Variants in ZDHHC14 observed in about 807,000 individuals in gnomAD.
ZDHHC14 encodes palmitoyltransferase ZDHHC14.
A neutral mutation model predicts 47.7 loss-of-function variants in ZDHHC14; 16 were observed. That is an observed-to-expected ratio of 0.34 (90% CI 0.23 to 0.51). The LOEUF (loss-of-function observed/expected upper bound fraction) is 0.51, where lower values mean the gene tolerates loss of function less well. ZDHHC14 is among the 20% of genes least tolerant of loss of function. The probability of loss-of-function intolerance (pLI) is 0.97; values close to 1 mark genes in which losing one functional copy is unlikely to be tolerated. For synonymous variants in ZDHHC14, 293 were observed against 278.9 expected (o/e 1.05, Z -0.50); for missense variants, 515 against 662.5 (o/e 0.78, Z 2.44).
intron 4 of ZDHHC14, chr6:157,631,246 A>G (rs1162517345): frequency 2.2e-5 from 3 of 139,098 alleles, no homozygotes; most frequent in Admixed American, 7.0e-5. Context: ...TTTCACTTTT[A>G]GCTCCTCTAA....
intron 5 of ZDHHC14, among the ~76,000 whole-genome samples, chr6:157,634,098 CTATAAA>C (rs1177422819): frequency 6.6e-6 from 1 of 152,106 alleles, no homozygotes; most frequent in African/African-American, 2.4e-5. Context: ...AAATGTGATC[CTATAAA>C]TATAAATATA....
intron 1 of ZDHHC14, among the ~76,000 whole-genome samples, chr6:157,436,150 A>G (rs1778435717): frequency 6.6e-6 from 1 of 152,184 alleles, no homozygotes; most frequent in South Asian, 2.1e-4. Flanking sequence ...CAGTTCCCAG[A>G]GTCCTGCCAG....
chr6:157,568,828 T>C (rs1165055452), intron 2 of ZDHHC14, among the ~76,000 whole-genome samples: 1 of 152,182 alleles, frequency 6.6e-6, no homozygotes, highest in Non-Finnish European at 1.5e-5. Context: ...CCTCGCTTGT[T>C]TGAAATTGGG....
chr6:157,447,468 G>A (rs1479440009), intron 1 of ZDHHC14, among the ~76,000 whole-genome samples: 1 of 152,236 alleles, frequency 6.6e-6, no homozygotes, highest in Non-Finnish European at 1.5e-5. Context: ...GCGCTGCTTG[G>A]GGTAGGCACC....
chr6:157,394,912 T>C (rs1777490887), intron 1 of ZDHHC14, among the ~76,000 whole-genome samples: 1 of 151,932 alleles, frequency 6.6e-6, no homozygotes. Flanking sequence ...AAAAAAATGA[T>C]GGTAAATTCA....
chr6:157,587,108 T>C (rs1783725466), intron 2 of ZDHHC14, among the ~76,000 whole-genome samples: 1 of 152,254 alleles, frequency 6.6e-6, no homozygotes, highest in Non-Finnish European at 1.5e-5. Context: ...TAAACTTTTC[T>C]ACTGAAATTA....
intron 3 of ZDHHC14, among the ~76,000 whole-genome samples, chr6:157,599,807 A>G (rs1207745769): frequency 6.6e-6 from 1 of 152,256 alleles, no homozygotes; most frequent in Non-Finnish European, 1.5e-5. Flanking sequence ...CAAGGCATTA[A>G]CGTCTGGTAA....
At chr6:157,663,448 C>T (rs1293252067) in intron 8 of ZDHHC14, among the ~76,000 whole-genome samples, 1 of 152,188 alleles carries the variant, frequency 6.6e-6, no homozygotes, top group African/African-American at 2.4e-5. Flanking sequence ...TGGCAAGGGC[C>T]GAACATCGAC....
In ZDHHC14 at chr6:157,435,517, C is replaced by A. The variant is rs139703507; in HGVS notation, c.245+53251C>A. ...TAAGCTCAGTAAGGTGGGCACCCTC[C>A]TTTCCTCCCTCATTTCTCTCTCTCT... On this transcript the variant is annotated intron_variant, in intron 1 of 8. Coordinates refer to ENST00000359775, the MANE Select transcript of ZDHHC14 (RefSeq NM_024630.3). Among the ~76,000 whole-genome samples the A allele has an allele frequency of 2.0e-5, 3 of 152,124 alleles. No homozygotes were observed. The East Asian group carries it at 5.8e-4, about 29-fold the overall frequency.
chr6:157,485,598 C>T (rs931718878), intron 1 of ZDHHC14, among the ~76,000 whole-genome samples: 1 of 152,078 alleles, frequency 6.6e-6, no homozygotes, highest in Non-Finnish European at 1.5e-5. Context: ...TGGGCAGAGC[C>T]CCAGTGACTG....
chr6:157,662,395 TG>T (rs960027583), intron 8 of ZDHHC14, among the ~76,000 whole-genome samples: 1 of 152,230 alleles, frequency 6.6e-6, no homozygotes, highest in African/African-American at 2.4e-5. Context: ...TTGGTCAGGC[TG>T]GTCTTGACCT....
intron 1 of ZDHHC14, among the ~76,000 whole-genome samples, chr6:157,481,768 T>G (rs1779635792): frequency 6.6e-6 from 1 of 152,234 alleles, no homozygotes; most frequent in Admixed American, 6.5e-5. Flanking sequence ...CCCCTATTTT[T>G]TGCACCATTC....
chr6:157,477,834 A>T (rs1377895887), intron 1 of ZDHHC14, among the ~76,000 whole-genome samples: 2 of 152,202 alleles, frequency 1.3e-5, no homozygotes, highest in African/African-American at 4.8e-5. Flanking sequence ...TCAGTTATTT[A>T]TGGTACTGGA....
At chr6:157,646,053 A>G (rs758952555) in intron 6 of ZDHHC14, among the ~76,000 whole-genome samples, 1 of 152,050 alleles carries the variant, frequency 6.6e-6, no homozygotes, top group Non-Finnish European at 1.5e-5. Flanking sequence ...TTCCGACCAC[A>G]TCCATTAGTT....
intron 1 of ZDHHC14, among the ~76,000 whole-genome samples, chr6:157,461,385 A>G (rs1779083424): frequency 1.3e-5 from 2 of 152,236 alleles, no homozygotes; most frequent in Non-Finnish European, 2.9e-5. Flanking sequence ...AATAGCTTTA[A>G]AAGGACATCA....
intron 1 of ZDHHC14, among the ~76,000 whole-genome samples, chr6:157,408,388 C>A (rs1777810640): frequency 6.6e-6 from 1 of 152,010 alleles, no homozygotes; most frequent in African/African-American, 2.4e-5. Flanking sequence ...GTTTGCTGGA[C>A]AGATCAACCC....
At position 157,647,339 on chromosome 6, in the gene ZDHHC14, T is replaced by C. The variant is rs1777607761; in HGVS notation, c.936T>C (p.Cys312=). 3 of 1,614,020 alleles carry C rather than the reference T, an allele frequency of 1.9e-6. No individual in the cohort carries two copies. Among genetic ancestry groups the C allele is most frequent in the Non-Finnish European group, 2.5e-6 (3 of 1,179,992 alleles). The change falls in exon 7 of 9, where the codon TGT becomes TGC. Residue 312 remains cysteine, a synonymous_variant. Coordinates refer to ENST00000359775, the MANE Select transcript of ZDHHC14 (RefSeq NM_024630.3). ...YSYGNIFTNC[C]VALCGPISPS... is the part of the protein sequence containing the mutation. ...ACGGAAATATCTTTACCAACTGCTG[T>C]GTTGCCCTGTGTGGGCCCATCTCAC... is the stretch of plus-strand genomic sequence containing the variant.
At position 157,653,622 on chromosome 6, in the gene ZDHHC14, G is replaced by T; in HGVS notation, c.1063G>T (p.Asp355Tyr). 1 of 1,613,264 alleles carries T rather than the reference G, an allele frequency of 6.2e-7. No individual in the cohort carries two copies. Among genetic ancestry groups the T allele is most frequent in the South Asian group, 1.1e-5 (1 of 91,056 alleles). ...GTACGGGGCCACGCAGTCACAGAGT[G>T]ACATGGTAGGAGTGGGGGCCACTGC... ...TMYGATQSQS[D>Y]MCDQDQCIQS... is the part of the protein sequence containing the mutation. The change falls in exon 8 of 9, where the codon GAC becomes TAC. Residue 355 changes from aspartate to tyrosine, a missense_variant. Coordinates refer to ENST00000359775, the MANE Select transcript of ZDHHC14 (RefSeq NM_024630.3).
chr6:157,618,759 C>T (rs1471646276), intron 3 of ZDHHC14, among the ~76,000 whole-genome samples: 1 of 152,150 alleles, frequency 6.6e-6, no homozygotes, highest in Non-Finnish European at 1.5e-5. Flanking sequence ...CTCAATCCTT[C>T]CCATCTAGTT....
Sources: allele counts gnomAD v4.1 joint callset (sites outside exome capture counted in the v4.1 genomes callset), GRCh38; gene constraint gnomAD v4.1.1; transcripts MANE v1.5; gene names NCBI Gene and HGNC (gene_info 2026-07-23, HGNC 2026-07-21).